Variants in ASTL observed in about 807,000 individuals in gnomAD.
ASTL encodes astacin like metalloendopeptidase, also known as astacin-like metalloendopeptidase.
A neutral mutation model predicts 36.7 loss-of-function variants in ASTL; 27 were observed. The ratio of observed to expected loss-of-function variants is 0.73; its 90% CI spans 0.54 to 1.01. ASTL has a LOEUF of 1.01. ASTL is among the 50% of genes least tolerant of loss of function. ASTL has a pLI of 0.00. For missense variants in ASTL, 524 were observed against 572.8 expected, an observed-to-expected ratio of 0.91 and a Z score of 0.87; for synonymous variants, 222 against 228.1, an observed-to-expected ratio of 0.97 and a Z score of 0.24.
chr2:96,130,185 GAGGGCAGGCAAGAA>G, intron 6 of ASTL, 40 bp from the exon 7 acceptor site: 2 of 1,536,418 alleles, frequency 1.3e-6, no homozygotes, highest in Middle Eastern at 1.7e-4. Flanking sequence ...GATATATAAA[GAGGGCAGGCAAGAA>G]AGGGCAGGCA....
Position 96,133,945 on chromosome 2 carries a change from A to G in ASTL, c.337+20T>C. On this transcript the variant is annotated intron_variant, in intron 4 of 8. Coordinates refer to ENST00000342380, the MANE Select transcript of ASTL (RefSeq NM_001002036.4). ...GAAGAAGGGGCTGAGGCAGGGAGGG[A>G]GCGCGCCATGCTCACTCACCGTACT... is the stretch of plus-strand genomic sequence containing the variant. 1 of 1,524,218 alleles carries G rather than the reference A, an allele frequency of 6.6e-7. No individual in the cohort carries two copies. The highest frequency in any genetic ancestry group is 9.1e-7 in the Non-Finnish European group (1 of 1,098,418). 94.4% of individuals were successfully genotyped at this position (1,524,218 alleles called of 1,614,324 possible).
In ASTL at chr2:96,138,430, C is replaced by T. The variant is rs747531394; in HGVS notation, c.7G>A (p.Gly3Ser). 19 of 1,609,998 alleles carry T rather than the reference C, an allele frequency of 1.2e-5. No individual in the cohort carries two copies. In the East Asian group the frequency reaches 3.6e-4, roughly 30 times the overall value. The change falls in exon 1 of 9, where the codon GGT becomes AGT. Residue 3 changes from glycine to serine, a missense_variant. Gly to Ser is a moderately conservative substitution (Grantham distance 56, BLOSUM62 0). Transcript: ENST00000342380. The stretch of plus-strand genomic sequence containing the variant: ...ACCCAAGGCCAGAGACCCCCTACAC[C>T]CTCCATGGTAGAGCCCTGCTGCCCC... MEGVGGLWPWVLG... is the reference protein window; with the variant it reads MESVGGLWPWVLG...
chr2:96,131,953 C>T (rs1475996544), intron 6 of ASTL, among the ~76,000 whole-genome samples: 2 of 152,216 alleles, frequency 1.3e-5, no homozygotes, highest in South Asian at 2.1e-4. Flanking sequence ...GCCACACAGC[C>T]GCTGCCAGCA....
chr2:96,137,209 C>CGACT (rs1682319785), intron 2 of ASTL, among the ~76,000 whole-genome samples: 1 of 152,150 alleles, frequency 6.6e-6, no homozygotes, highest in Non-Finnish European at 1.5e-5. Context: ...TCTCAGACTG[C>CGACT]GACTAACCGC....
intron 8 of ASTL, among the ~76,000 whole-genome samples, chr2:96,125,269 C>T (rs1682043031): frequency 6.6e-6 from 1 of 152,166 alleles, no homozygotes; most frequent in Non-Finnish European, 1.5e-5. Context: ...CCAGGTGTCT[C>T]CTGCTCTCCA....
In ASTL at chr2:96,132,423, A is replaced by G. The variant is rs1682198998; in HGVS notation, c.637+117T>C. ...GTGAGACCCCCACCTTCCCCACAGGAAGCAGGCAGGTGATGGGGAGGATGG... is the reference window on the plus strand; with the variant it reads ...GTGAGACCCCCACCTTCCCCACAGGGAGCAGGCAGGTGATGGGGAGGATGG... On this transcript the variant is annotated intron_variant, in intron 6 of 8. Coordinates refer to ENST00000342380, the MANE Select transcript of ASTL (RefSeq NM_001002036.4). The surrounding 1 kb of genome is among the most constrained non-coding windows in gnomAD (Gnocchi z 5.4). 28 of 906,324 alleles carry G rather than the reference A, an allele frequency of 3.1e-5. No individual in the cohort carries two copies. Among genetic ancestry groups the G allele is most frequent in the Non-Finnish European group, 4.4e-5 (27 of 614,654 alleles). 56.1% of individuals were successfully genotyped at this position (906,324 alleles called of 1,614,324 possible).
intron 2 of ASTL, 72 bp from the exon 3 acceptor site, chr2:96,135,484 C>A: frequency 7.5e-7 from 1 of 1,332,068 alleles, no homozygotes. Context: ...CCAAGCAAAT[C>A]CCTACTTACT....
chr2:96,128,201 C>T (rs1193793749), intron 8 of ASTL, among the ~76,000 whole-genome samples: 1 of 147,984 alleles, frequency 6.8e-6, no homozygotes, highest in Non-Finnish European at 1.5e-5. Flanking sequence ...CATTGCACTC[C>T]AGCCTGGGCA....
Position 96,123,918 on chromosome 2 carries a change from G to A in ASTL, c.1228C>T (p.Gln410Ter), listed in dbSNP as rs1342932925. The change falls in exon 9 of 9, where the codon CAG becomes TAG. Residue 410 changes from glutamine (Q) to a stop codon, truncating the protein, a stop_gained. Transcript: ENST00000342380. LOFTEE classifies it low-confidence loss of function (END_TRUNC). ...CCCCCTGGCAGAGCTGGGCTTCCCT[G>A]GACAGGGACTGGCTGGATTCCTGCT... is the stretch of plus-strand genomic sequence containing the variant. Reference protein sequence around the residue: ...SEAGIQPVPVQGSPALPGGCV... With the variant: ...SEAGIQPVPV 10 of 1,614,040 alleles carry A rather than the reference G, an allele frequency of 6.2e-6. No homozygotes were observed. Among genetic ancestry groups the A allele is most frequent in the Non-Finnish European group, 8.5e-6 (10 of 1,179,964 alleles).
chr2:96,137,783 G>A (rs1682335240), intron 1 of ASTL, 83 bp from the exon 2 acceptor site: 1 of 1,426,314 alleles, frequency 7.0e-7, no homozygotes, highest in Non-Finnish European at 9.6e-7. Flanking sequence ...GGTGGGTGTG[G>A]GGGATCAGAC....
In ASTL at chr2:96,130,693, C is replaced by G. The variant is rs557984855; in HGVS notation, c.638-548G>C. Among the ~76,000 whole-genome samples, 4 of 152,270 alleles carry G rather than the reference C, an allele frequency of 2.6e-5. No homozygotes were observed. In the East Asian group the frequency reaches 7.7e-4, roughly 29 times the overall value. ...CAGGCCTTCAGAGGGATTGCTCCCC[C>G]AATCCTCCCAAATCCAGCCAGCCAG... is the stretch of plus-strand genomic sequence containing the variant. On this transcript the variant is annotated intron_variant, in intron 6 of 8. Transcript: ENST00000342380.
chr2:96,138,186 C>T (rs1682344554), intron 1 of ASTL, among the ~76,000 whole-genome samples, 196 bp downstream of exon 1: 1 of 152,204 alleles, frequency 6.6e-6, no homozygotes, highest in South Asian at 2.1e-4. Context: ...CAGGCAGGCC[C>T]TCTGCTTCCA....
At position 96,123,743 on chromosome 2, in the gene ASTL, G is replaced by T. The variant is rs1275824074; in HGVS notation, c.*107C>A. The T allele has an allele frequency of 2.3e-6, 2 of 867,334 alleles. No individual in the cohort carries two copies. The highest frequency in any genetic ancestry group is 3.6e-6 in the Non-Finnish European group (2 of 551,906). 53.7% of individuals were successfully genotyped at this position (867,334 alleles called of 1,614,324 possible). On this transcript the variant is annotated 3_prime_UTR_variant, in exon 9 of 9. Transcript: ENST00000342380. ...CCTGGCCCTCTGAGATGGGGTGGTA[G>T]GTTGGGGCTGGAAGACAGTGGTGTG...
chr2:96,136,292 G>T (rs1558718051), intron 2 of ASTL, among the ~76,000 whole-genome samples: 1 of 152,264 alleles, frequency 6.6e-6, no homozygotes, highest in Non-Finnish European at 1.5e-5. Context: ...ACCTTGGGCA[G>T]ACAAGGGAGT....
chr2:96,130,722 C>T (rs577916305), intron 6 of ASTL, among the ~76,000 whole-genome samples: 47 of 152,304 alleles, frequency 3.1e-4, no homozygotes, highest in Admixed American at 7.2e-4. Context: ...CAGCCAGCCA[C>T]GCATACACGC....
intron 1 of ASTL, 173 bp from the exon 2 acceptor site, chr2:96,137,873 T>G (rs1479069167): frequency 3.2e-6 from 2 of 631,120 alleles, no homozygotes; most frequent in Non-Finnish European, 5.4e-6. Context: ...CAACCCCAAC[T>G]GGTGCCAAGG....
chr2:96,132,515 C>G lies in ASTL; in HGVS notation c.637+25G>C. On this transcript the variant is annotated intron_variant, in intron 6 of 8. Transcript: ENST00000342380. This position sits in a 1 kb window ranked among gnomAD's most constrained non-coding sequence, Gnocchi z 5.4. Reference sequence around the variant, plus strand: ...GTGCTGTCCCCTCCCCGGCACCAGCCTGTCCTGCGTGTGGCCTGGCTCACC... The same window carrying G: ...GTGCTGTCCCCTCCCCGGCACCAGCGTGTCCTGCGTGTGGCCTGGCTCACC... 1.9e-6 allele frequency: 3 copies of G among 1,570,512 alleles called. No individual in the cohort carries two copies. The highest frequency in any genetic ancestry group is 2.6e-6 in the Non-Finnish European group (3 of 1,149,942).
chr2:96,131,121 G>C (rs112208352), intron 6 of ASTL, among the ~76,000 whole-genome samples: 1 of 152,182 alleles, frequency 6.6e-6, no homozygotes, highest in African/African-American at 2.4e-5. Flanking sequence ...ATAATTATTA[G>C]TGCTGTTTTC....
In ASTL at chr2:96,123,807, G is replaced by A; in HGVS notation, c.*43C>T. On this transcript the variant is annotated 3_prime_UTR_variant, in exon 9 of 9. Coordinates refer to ENST00000342380, the MANE Select transcript of ASTL (RefSeq NM_001002036.4). ...AAGAGGTAGACGACCCAGCTCCACT[G>A]GGCAGAGGATGCCCTCCCTACTTGG... 1 of 1,557,454 alleles carries A rather than the reference G, an allele frequency of 6.4e-7. No homozygotes were observed. The highest frequency in any genetic ancestry group is 8.8e-7 in the Non-Finnish European group (1 of 1,140,020).
Sources: gnomAD v4.1 joint callset for allele counts (sites outside exome capture counted in the v4.1 genomes callset) on GRCh38, gnomAD v4.1.1 for gene constraint, Gnocchi (gnomAD v3.1) non-coding constraint, MANE v1.5 for transcripts, NCBI Gene and HGNC (gene_info 2026-07-23, HGNC 2026-07-21) for gene names.